SLCO6A1: variants seen among roughly 807,000 people sequenced by gnomAD.
SLCO6A1 encodes the protein solute carrier organic anion transporter family member 6A1, also known as cancer/testis antigen 48.
SLCO6A1 carries 65 observed loss-of-function variants against 72.7 expected under a neutral mutation model. The ratio of observed to expected loss-of-function variants is 0.89; its 90% CI spans 0.73 to 1.10. SLCO6A1 has a LOEUF of 1.10. Ranked by LOEUF, SLCO6A1 falls within the 50% of genes least tolerant of loss-of-function variation. The probability of loss-of-function intolerance (pLI) is 0.00; values close to 1 mark genes in which losing one functional copy is unlikely to be tolerated. For missense variants in SLCO6A1, 874 were observed against 872.6 expected (o/e 1.00, Z -0.02); for synonymous variants, 314 against 298.2 (o/e 1.05, Z -0.55).
At chr5:102,438,816 A>C in intron 6 of SLCO6A1, 55 bp from the exon 7 acceptor site, 2 of 1,299,118 alleles carry the variant, frequency 1.5e-6, no homozygotes, top group Non-Finnish European at 2.0e-6. Flanking sequence ...ATAAAGAGGA[A>C]TAGACAGAAC....
intron 7 of SLCO6A1, among the ~76,000 whole-genome samples, chr5:102,424,111 C>T (rs1253656860): frequency 1.3e-5 from 2 of 152,106 alleles, no homozygotes; most frequent in Non-Finnish European, 2.9e-5. Flanking sequence ...CTCTGGGACA[C>T]AGCTAAAGCA....
At chr5:102,465,471 C>T (rs570381748) in intron 4 of SLCO6A1, among the ~76,000 whole-genome samples, 3 of 152,148 alleles carry the variant, frequency 2.0e-5, no homozygotes, top group South Asian at 4.2e-4. Flanking sequence ...TCCCCACTAC[C>T]CTATCATGCT....
At position 102,427,883 on chromosome 5, in the gene SLCO6A1, T is replaced by A. The variant is rs1339281731; in HGVS notation, c.1277-7862A>T. Among the ~76,000 whole-genome samples, 456 of 126,304 alleles carry A rather than the reference T, an allele frequency of 3.6e-3. 5 individuals carry two copies. The highest frequency in any genetic ancestry group is 6.4e-3 in the Non-Finnish European group (388 of 60,890). The allele number at this position is 126,304 out of a possible 152,430, so 82.9% of individuals were successfully genotyped here. A position where few individuals can be genotyped will look rare whatever the true frequency, so the allele number is the denominator to read the frequency against. On this transcript the variant is annotated intron_variant, in intron 7 of 13. Coordinates refer to ENST00000506729, the MANE Select transcript of SLCO6A1 (RefSeq NM_173488.5). The stretch of plus-strand genomic sequence containing the variant: ...ATATATATTTTTTTTTTTTTTTTTT[T>A]TTTTGAGACCGAGTCTTGCTCTGTC...
chr5:102,457,154 A>G (rs1181881641), intron 6 of SLCO6A1, among the ~76,000 whole-genome samples: 1 of 152,220 alleles, frequency 6.6e-6, no homozygotes, highest in Non-Finnish European at 1.5e-5. Context: ...AAACCCTAGA[A>G]GAAAACCTAG....
chr5:102,373,938 A>C (rs1745631016), intron 12 of SLCO6A1, among the ~76,000 whole-genome samples: 1 of 152,208 alleles, frequency 6.6e-6, no homozygotes, highest in African/African-American at 2.4e-5. Context: ...TTCAAGCTGC[A>C]GAAAGTTAAT....
At chr5:102,438,002 T>C (rs1027116018) in intron 7 of SLCO6A1, among the ~76,000 whole-genome samples, 1 of 152,098 alleles carries the variant, frequency 6.6e-6, no homozygotes, top group South Asian at 2.1e-4. Context: ...ACAATAGCAA[T>C]TTCCCTTCAA....
intron 7 of SLCO6A1, among the ~76,000 whole-genome samples, chr5:102,420,613 T>C (rs768777558): frequency 4.6e-5 from 7 of 151,414 alleles, no homozygotes; most frequent in African/African-American, 1.7e-4. Flanking sequence ...GCAGGAGAAA[T>C]ATAGTCAGAA....
At chr5:102,418,008 A>G (rs62370971) in intron 8 of SLCO6A1, among the ~76,000 whole-genome samples, 2 of 150,092 alleles carry the variant, frequency 1.3e-5, no homozygotes, top group Non-Finnish European at 3.0e-5. Context: ...AAAAAAAATT[A>G]CTTACTTTTT....
At chr5:102,383,356 G>T (rs760551886) in intron 12 of SLCO6A1, among the ~76,000 whole-genome samples, 8 of 151,352 alleles carry the variant, frequency 5.3e-5, no homozygotes, top group Non-Finnish European at 8.9e-5. Flanking sequence ...TTGCTTTATT[G>T]TGTTAAGATA....
intron 6 of SLCO6A1, among the ~76,000 whole-genome samples, chr5:102,443,024 T>C (rs899227955): frequency 4.6e-5 from 7 of 152,230 alleles, no homozygotes; most frequent in South Asian, 4.1e-4. Flanking sequence ...GGTGAAACCC[T>C]ATCTCTACTA....
intron 1 of SLCO6A1, among the ~76,000 whole-genome samples, chr5:102,495,624 A>C (rs1204018693): frequency 6.6e-6 from 1 of 152,130 alleles, no homozygotes. Flanking sequence ...TAATTAAATA[A>C]ATAAATAATA....
At chr5:102,392,939 A>T (rs937120414) in intron 10 of SLCO6A1, among the ~76,000 whole-genome samples, 3 of 152,138 alleles carry the variant, frequency 2.0e-5, no homozygotes, top group Admixed American at 1.3e-4. Context: ...GTTTCAAAAT[A>T]AAAAAACATG....
At chr5:102,430,247 A>G (rs933434157) in intron 7 of SLCO6A1, among the ~76,000 whole-genome samples, 1 of 152,174 alleles carries the variant, frequency 6.6e-6, no homozygotes, top group African/African-American at 2.4e-5. Context: ...TGTTGTTTGC[A>G]AACAGGGATA....
chr5:102,422,620 C>A (rs1748669195), intron 7 of SLCO6A1, among the ~76,000 whole-genome samples: 2 of 152,048 alleles, frequency 1.3e-5, no homozygotes, highest in African/African-American at 4.8e-5. Flanking sequence ...ATATATGGGA[C>A]TCTATGAAAA....
chr5:102,373,468 T>G lies in SLCO6A1; in HGVS notation c.2044A>C (p.Ile682Leu). ...ATGAAAAATGCAATAGTAGTGAAGA[T>G]GATAGTGCATAGTTTGCAAAGAAAA... ...ICFLCKLCTI[I>L]FTTIAFFIYK... Residue 682 changes from isoleucine (I) to leucine (L), a missense_variant, in exon 13 of 14, where the codon ATC becomes CTC. Physicochemically the swap from Ile to Leu is conservative, Grantham distance 5. Coordinates refer to ENST00000506729, the MANE Select transcript of SLCO6A1 (RefSeq NM_173488.5). 2.0e-6 allele frequency: 3 copies of G among 1,530,670 alleles called. No homozygotes were observed. Among genetic ancestry groups the G allele is most frequent in the Non-Finnish European group, 2.6e-6 (3 of 1,140,810 alleles). 94.8% of individuals were successfully genotyped at this position (1,530,670 alleles called of 1,614,324 possible).
rs746714496 is a variant in SLCO6A1 at position 102,419,825 on chromosome 5, C to T, written c.1472+1G>A. ...AGTCTAATATACAAGACTACATTTA[C>T]CCATCATAATCTTCATTGATCCCAG... On this transcript the variant is annotated splice_donor_variant, in intron 8 of 13. Transcript: ENST00000506729. LOFTEE classifies it high-confidence loss of function. 5.0e-6 allele frequency: 8 copies of T among 1,585,908 alleles called. No individual in the cohort carries two copies. In the African/African-American group the frequency reaches 9.6e-5, roughly 19 times the overall value.
chr5:102,435,728 A>G (rs2112669565), intron 7 of SLCO6A1, among the ~76,000 whole-genome samples: 1 of 152,226 alleles, frequency 6.6e-6, no homozygotes, highest in South Asian at 2.1e-4. Context: ...ATACAAAATT[A>G]GCTGGGCGTG....
At chr5:102,418,392 T>C (rs1441022067) in intron 8 of SLCO6A1, among the ~76,000 whole-genome samples, 4 of 152,148 alleles carry the variant, frequency 2.6e-5, no homozygotes, top group Admixed American at 2.0e-4. Flanking sequence ...ATTTGAAAAA[T>C]TTTGGCCATA....
intron 1 of SLCO6A1, among the ~76,000 whole-genome samples, chr5:102,481,859 C>A (rs1342691050): frequency 1.3e-5 from 2 of 152,016 alleles, no homozygotes; most frequent in Non-Finnish European, 2.9e-5. Context: ...AACTTAAAAA[C>A]CAAATTGCAA....
Sources: allele counts gnomAD v4.1 joint callset (sites outside exome capture counted in the v4.1 genomes callset), GRCh38; gene constraint gnomAD v4.1.1; transcripts MANE v1.5; gene names NCBI Gene and HGNC (gene_info 2026-07-23, HGNC 2026-07-21).